The following F9 variants were observed in gnomAD, a reference collection of about 807,000 sequenced individuals.
The protein encoded by F9 is coagulation factor IX.
Under a neutral mutation model 34.1 loss-of-function variants are expected in F9, and 2 were observed. That is an observed-to-expected ratio of 0.06 (90% confidence interval 0.02 to 0.18). F9 has a LOEUF of 0.18. Ranked by LOEUF, F9 falls within the 10% of genes least tolerant of loss-of-function variation. The pLI is 1.00. For missense variants in F9, 216 were observed against 345.1 expected, an observed-to-expected ratio of 0.63 and a Z score of 2.96; for synonymous variants, 137 against 118.8, an observed-to-expected ratio of 1.15 and a Z score of -1.00.
At position 139,540,133 on chromosome X, in the gene F9, C is replaced by T. The variant is rs896314368; in HGVS notation, c.278-943C>T. On this transcript the variant is annotated intron_variant, in intron 3 of 7. Coordinates refer to ENST00000218099, the MANE Select transcript of F9 (RefSeq NM_000133.4). ...AGGGGTATTTTTCTAGTTCAAAGTG[C>T]CTACCATCTCCCTTCTGGTTCTATT... Among the ~76,000 whole-genome samples the T allele has an allele frequency of 4.5e-5, 5 of 111,232 alleles. No individual in the cohort carries two copies. The East Asian group carries it at 1.4e-3, about 32-fold the overall frequency.
chrX:139,559,114 ATGAT>A (rs1477198247), intron 6 of F9, among the ~76,000 whole-genome samples: 1 of 112,840 alleles, frequency 8.9e-6, no homozygotes, highest in Non-Finnish European at 1.9e-5. Context: ...AAACACCACA[ATGAT>A]TAGCCCAAAG....
intron 5 of F9, 70 bp downstream of exon 5, chrX:139,548,561 T>A: frequency 9.4e-7 from 1 of 1,065,601 alleles, no homozygotes; most frequent in Non-Finnish European, 1.3e-6. Context: ...CAAACCTACA[T>A]AATTTTAATT....
intron 6 of F9, among the ~76,000 whole-genome samples, chrX:139,560,413 A>T (rs771659966): frequency 5.4e-5 from 6 of 112,141 alleles, no homozygotes; most frequent in Admixed American, 1.9e-4. Flanking sequence ...TATCCCCATG[A>T]AGCAAATTTT....
At chrX:139,558,545 A>C (rs1928022850) in intron 6 of F9, among the ~76,000 whole-genome samples, 1 of 113,099 alleles carries the variant, frequency 8.8e-6, no homozygotes, top group South Asian at 3.6e-4. Context: ...AAAATGTAAC[A>C]AGATGGGTTG....
chrX:139,554,287 T>A (rs1927917930), intron 6 of F9, among the ~76,000 whole-genome samples: 1 of 112,357 alleles, frequency 8.9e-6, no homozygotes, highest in South Asian at 3.7e-4. Flanking sequence ...TGTGCACACA[T>A]ACACATGCAC....
intron 1 of F9, among the ~76,000 whole-genome samples, chrX:139,534,904 T>C (rs985442936): frequency 9.0e-6 from 1 of 111,727 alleles, no homozygotes; most frequent in African/African-American, 3.3e-5. Flanking sequence ...GTGGCATCCA[T>C]CTGCATTTTG....
chrX:139,560,969 GCAGAAGGGT>G, intron 7 of F9, 114 bp downstream of exon 7: 1 of 619,743 alleles, frequency 1.6e-6, no homozygotes, highest in Non-Finnish European at 2.7e-6. Flanking sequence ...TGGGCTAAAG[GCAGAAGGGT>G]CATAATTTCA....
chrX:139,533,868 G>A (rs1927397549), intron 1 of F9, among the ~76,000 whole-genome samples: 2 of 111,658 alleles, frequency 1.8e-5, no homozygotes, highest in African/African-American at 6.5e-5. Flanking sequence ...AAAAGCTGAG[G>A]CTGGAGCCTG....
chrX:139,546,693 T>A (rs1243133727), intron 4 of F9, among the ~76,000 whole-genome samples: 2 of 111,593 alleles, frequency 1.8e-5, no homozygotes, highest in Non-Finnish European at 3.8e-5. Flanking sequence ...CCAGCAACGA[T>A]TCAAAAATGA....
At position 139,556,360 on chromosome X, in the gene F9, C is replaced by T. The variant is rs4149760; in HGVS notation, c.724-4381C>T. 3.1e-3 allele frequency among the ~76,000 whole-genome samples: 347 copies of T among 111,849 alleles called. 1 individual carries two copies. Among genetic ancestry groups the T allele is most frequent in the Non-Finnish European group, 5.1e-3 (272 of 53,155 alleles). On this transcript the variant is annotated intron_variant, in intron 6 of 7. Transcript: ENST00000218099. ...AAAATGTCTTAGCATTTTCCCCAGT[C>T]TCCATCCACTTTCCTCAGCTTTGGC...
chrX:139,551,763 A>C (rs1025017310), intron 6 of F9, among the ~76,000 whole-genome samples: 2 of 112,023 alleles, frequency 1.8e-5, no homozygotes, highest in African/African-American at 6.5e-5. Flanking sequence ...TGGTAGCATC[A>C]GAATCACCTG....
chrX:139,531,420 TGTTA>T (rs1208602185), intron 1 of F9, among the ~76,000 whole-genome samples: 3 of 112,193 alleles, frequency 2.7e-5, no homozygotes, highest in Admixed American at 1.9e-4. Context: ...ATTAGCAAGC[TGTTA>T]GTTATCACCA....
rs4149737 is a variant in F9, at chrX:139,558,578, C to CA, written c.724-2159dup. Among the ~76,000 whole-genome samples the CA allele has an allele frequency of 3.8e-3, 433 of 112,934 alleles. 1 individual carries two copies. Among genetic ancestry groups the CA allele is most frequent in the African/African-American group, 0.013 (414 of 31,147 alleles). On this transcript the variant is annotated intron_variant, in intron 6 of 7. Transcript: ENST00000218099. ...TTGCAAAAGAGACTACAGAGGAAAG[C>CA]AAAAGTTTTGTATTTTAGTATCTTC...
At chrX:139,553,843 TAAA>T (rs774758448) in intron 6 of F9, among the ~76,000 whole-genome samples, 1 of 67,552 alleles carries the variant, frequency 1.5e-5, no homozygotes, top group Non-Finnish European at 2.9e-5. Context: ...AGTCCAAGAT[TAAA>T]AAAAAAAAAA....
At chrX:139,554,720 CATT>C (rs1456698068) in intron 6 of F9, among the ~76,000 whole-genome samples, 1 of 112,489 alleles carries the variant, frequency 8.9e-6, no homozygotes, top group East Asian at 2.8e-4. Flanking sequence ...GTGGTGAAAA[CATT>C]ATATATCTAG....
At chrX:139,560,181 C>T (rs1308473475) in intron 6 of F9, among the ~76,000 whole-genome samples, 4 of 112,005 alleles carry the variant, frequency 3.6e-5, no homozygotes, top group Non-Finnish European at 7.5e-5. Context: ...CTATTCCTCA[C>T]TGCCTGGATG....
intron 7 of F9, 138 bp downstream of exon 7, chrX:139,560,993 C>A: frequency 1.9e-6 from 1 of 515,731 alleles, no homozygotes; most frequent in Non-Finnish European, 3.4e-6. Context: ...ATTTCAGAAC[C>A]CACGTCGCAC....
chrX:139,537,186 A>C lies in F9; in HGVS notation c.252+13A>C, dbSNP rs1414820006. 11 of 1,206,230 alleles carry C rather than the reference A, an allele frequency of 9.1e-6. No individual in the cohort carries two copies. Among genetic ancestry groups the C allele is most frequent in the Non-Finnish European group, 1.1e-5 (10 of 890,575 alleles). ...CACTGAAAGAACAGTGAGTATTTCC[A>C]CATAATACCCTTCAGATGCAGAGCA... On this transcript the variant is annotated intron_variant, in intron 2 of 7. Coordinates refer to ENST00000218099, the MANE Select transcript of F9 (RefSeq NM_000133.4).
chrX:139,537,617 T>C (rs769132579), intron 3 of F9, among the ~76,000 whole-genome samples: 2 of 111,684 alleles, frequency 1.8e-5, no homozygotes, highest in East Asian at 5.7e-4. Context: ...AGAACATTGT[T>C]CCACCCCAGG....
Sources: allele counts gnomAD v4.1 joint callset (sites outside exome capture counted in the v4.1 genomes callset), GRCh38; gene constraint gnomAD v4.1.1; transcripts MANE v1.5; gene names NCBI Gene and HGNC (gene_info 2026-07-23, HGNC 2026-07-21).